The following CER1 variants were observed in gnomAD, a reference collection of about 807,000 sequenced individuals.
CER1 encodes cerberus.
A neutral mutation model predicts 11.8 loss-of-function variants in CER1; 10 were observed. That is an observed-to-expected ratio of 0.85 (90% confidence interval 0.52 to 1.44). The LOEUF (loss-of-function observed/expected upper bound fraction) is 1.44, where lower values mean the gene tolerates loss of function less well. CER1 is among the 40% of genes most tolerant of loss of function. The pLI is 0.00. For synonymous variants in CER1, 141 were observed against 122.3 expected, an observed-to-expected ratio of 1.15 and a Z score of -1.01; for missense variants, 431 against 327.0, an observed-to-expected ratio of 1.32 and a Z score of -2.45.
intron 1 of CER1, among the ~76,000 whole-genome samples, chr9:14,721,781 A>T (rs183578170): frequency 9.8e-5 from 15 of 152,292 alleles, no homozygotes; most frequent in Admixed American, 5.2e-4. Flanking sequence ...GTGCAGAAAG[A>T]TAGCTACAGA....
intron 1 of CER1, among the ~76,000 whole-genome samples, chr9:14,720,648 C>T (rs1396102655): frequency 6.6e-6 from 1 of 152,142 alleles, no homozygotes; most frequent in African/African-American, 2.4e-5. Context: ...CTACATTATT[C>T]GTGCAAAACC....
Position 14,719,905 on chromosome 9 carries a change from A to T in CER1, c.*185T>A, listed in dbSNP as rs1426482020. 5.1e-6 allele frequency: 3 copies of T among 588,168 alleles called. No homozygotes were observed. Among genetic ancestry groups the T allele is most frequent in the Admixed American group, 5.9e-5 (2 of 33,644 alleles). 36.4% of individuals were successfully genotyped at this position (588,168 alleles called of 1,614,324 possible). A position where few individuals can be genotyped will look rare whatever the true frequency, so the allele number is the denominator to read the frequency against. On this transcript the variant is annotated 3_prime_UTR_variant, in exon 2 of 2. Transcript: ENST00000380911. ...ACGGCTAGTTAGTGGCAGAGCTGAGACAAGGTCTCAAACGTGTACCAATAA... is the reference window on the plus strand; with the variant it reads ...ACGGCTAGTTAGTGGCAGAGCTGAGTCAAGGTCTCAAACGTGTACCAATAA...
At chr9:14,718,152 T>C (rs527365628), downstream of CER1, among the ~76,000 whole-genome samples, 4 of 152,324 alleles carry the variant, frequency 2.6e-5, no homozygotes, top group African/African-American at 9.6e-5. Flanking sequence ...AGAATTTACA[T>C]GCAAGGGAAG....
At chr9:14,717,788 G>A (rs1217840122), downstream of CER1, among the ~76,000 whole-genome samples, 1 of 152,122 alleles carries the variant, frequency 6.6e-6, no homozygotes, top group East Asian at 1.9e-4. Context: ...GAACAAATGA[G>A]CAAATATTTT....
downstream of CER1, among the ~76,000 whole-genome samples, chr9:14,718,518 C>T (rs1839964801): frequency 6.6e-6 from 1 of 151,956 alleles, no homozygotes; most frequent in Non-Finnish European, 1.5e-5. Context: ...TGATGTGTTA[C>T]AAAATATACA....
intron 1 of CER1, among the ~76,000 whole-genome samples, chr9:14,721,592 G>T (rs1004122658): frequency 2.6e-5 from 4 of 152,172 alleles, no homozygotes; most frequent in African/African-American, 9.7e-5. Flanking sequence ...GTACTTTGAG[G>T]TTGTGGGATA....
chr9:14,720,840 A>G (rs1839999205), intron 1 of CER1, among the ~76,000 whole-genome samples: 2 of 152,164 alleles, frequency 1.3e-5, no homozygotes, highest in Non-Finnish European at 2.9e-5. Flanking sequence ...ATTCTATCCT[A>G]TTCTGCAAGA....
Position 14,722,235 on chromosome 9 carries a change from C to G in CER1, c.438G>C (p.Gln146His). 1 of 1,614,244 alleles carries G rather than the reference C, an allele frequency of 6.2e-7. No homozygotes were observed. The highest frequency in any genetic ancestry group is 8.5e-7 in the Non-Finnish European group (1 of 1,180,044). Reference sequence around the variant, plus strand: ...GGCTTTTGATGGGCAAGATGACCCCCTGAGAAGCCGGAGTTTTTCTGAACA... The same window carrying G: ...GGCTTTTGATGGGCAAGATGACCCCGTGAGAAGCCGGAGTTTTTCTGAACA... ...HFMFRKTPAS[Q>H]GVILPIKSHE... The change falls in exon 1 of 2, where the codon CAG becomes CAC. Residue 146 changes from glutamine to histidine, a missense_variant. By Grantham distance (24) the Gln-to-His change is conservative. Transcript: ENST00000380911.
In CER1 at chr9:14,720,169, T is replaced by C. The variant is rs751602118; in HGVS notation, c.725A>G (p.Lys242Arg). Residue 242 changes from lysine to arginine, a missense_variant, in exon 2 of 2, where the codon AAG becomes AGG. Physicochemically the swap from Lys to Arg is conservative, Grantham distance 26. Transcript: ENST00000380911. Reference protein sequence around the residue: ...VVMLVEECQCKVKTEHEDGHI... With the variant: ...VVMLVEECQCRVKTEHEDGHI... Reference sequence around the variant, plus strand: ...TCCATCTTCATGCTCCGTCTTCACCTTGCACTGGCACTCCTCCACCAGCAT... The same window carrying C: ...TCCATCTTCATGCTCCGTCTTCACCCTGCACTGGCACTCCTCCACCAGCAT... 1.2e-6 allele frequency: 2 copies of C among 1,614,162 alleles called. No individual in the cohort carries two copies. Among genetic ancestry groups the C allele is most frequent in the South Asian group, 1.1e-5 (1 of 91,078 alleles).
chr9:14,719,565 T>TCCTG (rs1839977939), downstream of CER1, among the ~76,000 whole-genome samples: 1 of 46,126 alleles, frequency 2.2e-5, no homozygotes, highest in Non-Finnish European at 4.4e-5. Flanking sequence ...CTGCCTGCCT[T>TCCTG]CCTTCCTTCC....
rs1461006885 is a variant in CER1 at position 14,722,166 on chromosome 9, C to G, written c.507G>C (p.Gln169His). The G allele has an allele frequency of 1.9e-6, 3 of 1,611,572 alleles. No homozygotes were observed. The highest frequency in any genetic ancestry group is 2.7e-5 in the African/African-American group (2 of 74,840). The change falls in exon 1 of 2, where the codon CAG (glutamine) becomes CAC (histidine). Residue 169 changes from glutamine to histidine, a missense_variant and splice_region_variant. Transcript: ENST00000380911. Reference sequence around the variant, plus strand: ...CCTGCTCTCCCCCCAGAACACATACCTGGCTGAAGGGCACTGTCCTGCAGG... The same window carrying G: ...CCTGCTCTCCCCCCAGAACACATACGTGGCTGAAGGGCACTGTCCTGCAGG... ...WETCRTVPFS[Q>H]TITHEGCEKV...
At chr9:14,719,462 G>T (rs901423061), downstream of CER1, among the ~76,000 whole-genome samples, 1 of 152,032 alleles carries the variant, frequency 6.6e-6, no homozygotes, top group African/African-American at 2.4e-5. Flanking sequence ...GGTTGCAAAA[G>T]TAACTATAAG....
At chr9:14,720,447 C>A in intron 1 of CER1, 61 bp from the exon 2 acceptor site, 2 of 1,469,054 alleles carry the variant, frequency 1.4e-6, no homozygotes, top group Non-Finnish European at 1.9e-6. Context: ...ACACATAATG[C>A]AGAAGCTATG....
At position 14,722,278 on chromosome 9, in the gene CER1, T is replaced by A; in HGVS notation, c.395A>T (p.Lys132Ile). 6.2e-7 allele frequency: 1 copy of A among 1,614,208 alleles called. No homozygotes were observed. The highest frequency in any genetic ancestry group is 8.5e-7 in the Non-Finnish European group (1 of 1,180,038). Residue 132 changes from lysine to isoleucine, a missense_variant, in exon 1 of 2, where the codon AAA (lysine) becomes ATA (isoleucine). Coordinates refer to ENST00000380911, the MANE Select transcript of CER1 (RefSeq NM_005454.3). ...EKSPLREEAK[K>I]FWHHFMFRKT... ...TCTGAACATGAAGTGGTGCCAGAAT[T>A]TCTTGGCTTCTTCCCGAAGAGGAGA...
At position 14,722,174 on chromosome 9, in the gene CER1, AG is replaced by A. The variant is rs754859752; in HGVS notation, c.498del (p.Phe167SerfsTer5). 2 of 1,613,046 alleles carry A rather than the reference AG, an allele frequency of 1.2e-6. No individual in the cohort carries two copies. Among genetic ancestry groups the A allele is most frequent in the East Asian group, 4.5e-5 (2 of 44,878 alleles). On this transcript the variant is annotated frameshift_variant, in exon 1 of 2. Coordinates refer to ENST00000380911, the MANE Select transcript of CER1 (RefSeq NM_005454.3). LOFTEE classifies it high-confidence loss of function. The stretch of plus-strand genomic sequence containing the variant: ...CCCCCCAGAACACATACCTGGCTGA[AG>A]GGCACTGTCCTGCAGGTCTCCCAAT... ...EVHWETCRTV[P>X]FSQTITHEGC...
downstream of CER1, among the ~76,000 whole-genome samples, chr9:14,719,549 G>GCCTT (rs1839976117): frequency 1.9e-4 from 15 of 78,344 alleles, no homozygotes; most frequent in East Asian, 7.6e-4. Flanking sequence ...CTGCCTGCCT[G>GCCTT]CCTGCCTGCC....
chr9:14,718,721 A>C (rs894447629), downstream of CER1, among the ~76,000 whole-genome samples: 11 of 152,224 alleles, frequency 7.2e-5, no homozygotes, highest in African/African-American at 2.4e-4. Flanking sequence ...TGAATAACTT[A>C]ATAGAAAAAG....
downstream of CER1, among the ~76,000 whole-genome samples, chr9:14,717,734 C>T (rs2131787512): frequency 6.6e-6 from 1 of 152,192 alleles, no homozygotes; most frequent in East Asian, 1.9e-4. Flanking sequence ...TGCTTTGAAG[C>T]CTATAGGCAA....
At chr9:14,722,104 T>A in intron 1 of CER1, 62 bp downstream of exon 1, 1 of 1,536,174 alleles carries the variant, frequency 6.5e-7, no homozygotes, top group South Asian at 1.3e-5. Context: ...CTACTCTCCA[T>A]CCATCCCAGC....
Sources: allele counts gnomAD v4.1 joint callset (sites outside exome capture counted in the v4.1 genomes callset), GRCh38; gene constraint gnomAD v4.1.1; transcripts MANE v1.5; gene names NCBI Gene and HGNC (gene_info 2026-07-23, HGNC 2026-07-21).